Variants in ANGPT2 observed in about 807,000 individuals in gnomAD.
ANGPT2 encodes the protein angiopoietin 2.
In ANGPT2, 28 loss-of-function variants were observed where a neutral mutation model predicts 62.9. That is an observed-to-expected ratio of 0.44 (90% CI 0.33 to 0.61). ANGPT2 has a LOEUF of 0.61. Ranked by LOEUF, ANGPT2 falls within the 20% of genes least tolerant of loss-of-function variation. The pLI is 0.03. For missense variants in ANGPT2, 727 were observed against 594.9 expected, an observed-to-expected ratio of 1.22 and a Z score of -2.31; for synonymous variants, 284 against 207.8, an observed-to-expected ratio of 1.37 and a Z score of -3.15.
Position 6,500,165 on chromosome 8 carries a change from T to C in ANGPT2, c.*2936A>G. The C allele has an allele frequency of 3.8e-6, 2 of 522,880 alleles. No individual in the cohort carries two copies. The highest frequency in any genetic ancestry group is 4.2e-5 in the South Asian group (2 of 47,898). The allele number at this position is 522,880 out of a possible 1,614,324, so 32.4% of individuals were successfully genotyped here. A position where few individuals can be genotyped will look rare whatever the true frequency, so the allele number is the denominator to read the frequency against. On this transcript the variant is annotated 3_prime_UTR_variant, in exon 9 of 9. Transcript: ENST00000629816. ...TGCAGTCCAAAGAAAATTTGACGAT[T>C]AACATCCTCAGAACTGAGAAAAACA...
intron 2 of ANGPT2, among the ~76,000 whole-genome samples, chr8:6,531,151 A>T (rs888571170): frequency 1.3e-5 from 2 of 151,700 alleles, no homozygotes; most frequent in Non-Finnish European, 2.9e-5. Flanking sequence ...TTGTACTGCT[A>T]ATAGCAGCTT....
intron 5 of ANGPT2, among the ~76,000 whole-genome samples, chr8:6,517,324 C>T (rs1816453936): frequency 6.6e-6 from 1 of 152,164 alleles, no homozygotes; most frequent in Non-Finnish European, 1.5e-5. Flanking sequence ...TGCTTCAACT[C>T]TGAGGCAATG....
rs146078856 is a variant in ANGPT2, at chr8:6,514,253, G to C, written c.1030-409C>G. Among the ~76,000 whole-genome samples the C allele has an allele frequency of 3.6e-3, 541 of 152,272 alleles. 1 individual carries two copies. The highest frequency in any genetic ancestry group is 0.012 in the African/African-American group (519 of 41,536). On this transcript the variant is annotated intron_variant, in intron 6 of 8. Transcript: ENST00000629816. The stretch of plus-strand genomic sequence containing the variant: ...TGCCCAGGCTGGAGTGCAGTGGTGT[G>C]ATCTTGGCTGACTGCACCCTCTGCC...
intron 1 of ANGPT2, among the ~76,000 whole-genome samples, chr8:6,548,636 T>C (rs1823042501): frequency 6.6e-6 from 1 of 152,126 alleles, no homozygotes; most frequent in East Asian, 1.9e-4. Context: ...CCGTAAGTCA[T>C]AGAAGGTGAA....
chr8:6,502,788 C>A lies in ANGPT2; in HGVS notation c.*313G>T, dbSNP rs986751893. ...TTCCAGTTATTTACTGATAAACTTG[C>A]ACATAACATTCTTGGTTGTGACAGC... On this transcript the variant is annotated 3_prime_UTR_variant, in exon 9 of 9. Transcript: ENST00000629816. 4 of 350,084 alleles carry A rather than the reference C, an allele frequency of 1.1e-5. No individual in the cohort carries two copies. Among genetic ancestry groups the A allele is most frequent in the East Asian group, 5.9e-5 (1 of 16,928 alleles). 21.7% of individuals were successfully genotyped at this position (350,084 alleles called of 1,614,324 possible).
intron 3 of ANGPT2, 115 bp from the exon 4 acceptor site, chr8:6,521,525 T>A (rs1385270531): frequency 1.3e-6 from 1 of 764,912 alleles, no homozygotes; most frequent in Non-Finnish European, 2.0e-6. Context: ...GGTTATAAAG[T>A]AATATGATGT....
chr8:6,553,232 T>A (rs1195217867), intron 1 of ANGPT2, among the ~76,000 whole-genome samples: 3 of 152,168 alleles, frequency 2.0e-5, no homozygotes, highest in African/African-American at 7.2e-5. Context: ...TGCACTTTAC[T>A]CTCGATGTGG....
At chr8:6,545,903 G>C (rs1822497993) in intron 1 of ANGPT2, among the ~76,000 whole-genome samples, 1 of 152,212 alleles carries the variant, frequency 6.6e-6, no homozygotes, top group African/African-American at 2.4e-5. Context: ...TCTGACTTTT[G>C]AGACATAGTA....
intron 7 of ANGPT2, among the ~76,000 whole-genome samples, chr8:6,513,458 G>A (rs142718577): frequency 0.011 from 1,666 of 150,692 alleles, 35 homozygotes; most frequent in African/African-American, 0.038. Flanking sequence ...TCAGCCTCCC[G>A]AGTAGCTGGG....
chr8:6,513,419 G>A (rs568830053), intron 7 of ANGPT2, among the ~76,000 whole-genome samples: 24 of 149,200 alleles, frequency 1.6e-4, no homozygotes, highest in South Asian at 8.5e-4. Context: ...TGCAAGCTCC[G>A]CCTCCCGGGT....
chr8:6,500,027 C>A lies in ANGPT2; in HGVS notation c.*3074G>T. The stretch of plus-strand genomic sequence containing the variant: ...GGACTTAAGTTTTTATCCAGTCAAG[C>A]ACAATTATGCCCATAATTAAAAAGA... On this transcript the variant is annotated 3_prime_UTR_variant, in exon 9 of 9. Coordinates refer to ENST00000629816, the MANE Select transcript of ANGPT2 (RefSeq NM_001118887.2). 2 of 947,982 alleles carry A rather than the reference C, an allele frequency of 2.1e-6. No individual in the cohort carries two copies. The highest frequency in any genetic ancestry group is 1.6e-5 in the African/African-American group (1 of 62,302). 58.7% of individuals were successfully genotyped at this position (947,982 alleles called of 1,614,324 possible). A position where few individuals can be genotyped will look rare whatever the true frequency, so the allele number is the denominator to read the frequency against.
At chr8:6,518,333 T>C (rs1263075559) in intron 5 of ANGPT2, among the ~76,000 whole-genome samples, 2 of 152,336 alleles carry the variant, frequency 1.3e-5, no homozygotes, top group East Asian at 3.9e-4. Context: ...CAAAAGAGAT[T>C]GAAAGGCTTA....
chr8:6,548,292 C>T (rs967992407), intron 1 of ANGPT2, among the ~76,000 whole-genome samples: 4 of 152,078 alleles, frequency 2.6e-5, no homozygotes, highest in African/African-American at 9.7e-5. Flanking sequence ...GTAGACCTGA[C>T]AGGACTCTAC....
intron 1 of ANGPT2, among the ~76,000 whole-genome samples, chr8:6,560,845 C>T (rs1233047872): frequency 6.6e-6 from 1 of 152,154 alleles, no homozygotes; most frequent in Non-Finnish European, 1.5e-5. Flanking sequence ...TTCAGGTATA[C>T]CTAATGTAAG....
chr8:6,508,625 C>G (rs1000166675), intron 8 of ANGPT2: 1 of 555,036 alleles, frequency 1.8e-6, no homozygotes, highest in East Asian at 3.0e-5. Flanking sequence ...TAAACCATCT[C>G]TCTAGTATCC....
At chr8:6,525,041 C>T (rs1463546047) in intron 3 of ANGPT2, among the ~76,000 whole-genome samples, 1 of 152,214 alleles carries the variant, frequency 6.6e-6, no homozygotes, top group African/African-American at 2.4e-5. Context: ...GATTTCATGG[C>T]CTCTCGGGCC....
chr8:6,537,883 C>T (rs893600094), intron 1 of ANGPT2, among the ~76,000 whole-genome samples: 6 of 152,110 alleles, frequency 3.9e-5, no homozygotes, highest in Non-Finnish European at 8.8e-5. Flanking sequence ...TTGAGAGATC[C>T]TTTCTATTTA....
In ANGPT2 at chr8:6,506,842, G is replaced by A. The variant is rs569550164; in HGVS notation, c.1327+2090C>T. Among the ~76,000 whole-genome samples the A allele has an allele frequency of 6.0e-5, 9 of 150,406 alleles. No individual in the cohort carries two copies. The South Asian group carries it at 1.5e-3, about 25-fold the overall frequency. On this transcript the variant is annotated intron_variant, in intron 8 of 8. Transcript: ENST00000629816. The stretch of plus-strand genomic sequence containing the variant: ...TAAAAGGCATGAAATTTAAAGACAT[G>A]AAAATTACTGAATTTCATATTATTT...
At chr8:6,507,283 T>G (rs1167541100) in intron 8 of ANGPT2, among the ~76,000 whole-genome samples, 1 of 152,236 alleles carries the variant, frequency 6.6e-6, no homozygotes, top group Non-Finnish European at 1.5e-5. Flanking sequence ...TAAAACATGT[T>G]GACCATAGCT....
Sources: gnomAD v4.1 joint callset for allele counts (sites outside exome capture counted in the v4.1 genomes callset) on GRCh38, gnomAD v4.1.1 for gene constraint, MANE v1.5 for transcripts, NCBI Gene and HGNC (gene_info 2026-07-23, HGNC 2026-07-21) for gene names.